Variants in RIN2 observed in about 807,000 individuals in gnomAD.
RIN2 encodes the protein RAB5 interacting protein 2.
Under a neutral mutation model 78.0 loss-of-function variants are expected in RIN2, and 36 were observed. The observed-to-expected ratio is 0.46, with a 90% CI of 0.35 to 0.61. RIN2 has a LOEUF of 0.61. Among genes scored for constraint, RIN2 ranks in the 20% least tolerant of loss-of-function variants. The pLI, the probability that RIN2 is intolerant of heterozygous loss-of-function variation, is 0.00. For missense variants in RIN2, 1,087 were observed against 1,159.7 expected, an observed-to-expected ratio of 0.94 and a Z score of 0.91; for synonymous variants, 466 against 466.8, an observed-to-expected ratio of 1.00 and a Z score of 0.02.
chr20:19,946,169 G>C (rs923591539), intron 4 of RIN2, among the ~76,000 whole-genome samples: 22 of 152,196 alleles, frequency 1.4e-4, no homozygotes, highest in African/African-American at 5.3e-4. Flanking sequence ...TATGGGCTGG[G>C]GATGAGGCCA....
Position 20,000,664 on chromosome 20 carries a change from A to C in RIN2, c.2416A>C (p.Thr806Pro). The change falls in exon 13 of 13, where the codon ACC (threonine) becomes CCC (proline). Residue 806 changes from threonine to proline, a missense_variant. This residue lies in a region of RIN2 where 160 missense variants were observed against 179.4 expected (regional missense o/e 0.89). Coordinates refer to ENST00000255006, the MANE Select transcript of RIN2 (RefSeq NM_018993.4). Reference sequence around the variant, plus strand: ...GGTCAACAGTGGTTGCACAGGAAAGACCCTCCTTGTGAGACCTTACATCAC... The same window carrying C: ...GGTCAACAGTGGTTGCACAGGAAAGCCCCTCCTTGTGAGACCTTACATCAC... ...QEVNSGCTGKTLLVRPYITTE... is the reference protein window; with the variant it reads ...QEVNSGCTGKPLLVRPYITTE... 1 of 1,611,442 alleles carries C rather than the reference A, an allele frequency of 6.2e-7. No homozygotes were observed. The highest frequency in any genetic ancestry group is 8.5e-7 in the Non-Finnish European group (1 of 1,177,896).
chr20:19,854,011 A>T (rs2037079471), intron 2 of RIN2, among the ~76,000 whole-genome samples: 1 of 152,198 alleles, frequency 6.6e-6, no homozygotes, highest in Non-Finnish European at 1.5e-5. Flanking sequence ...TGATGGTTTT[A>T]GGTCTAACCT....
chr20:19,833,777 G>A (rs2036322042), intron 2 of RIN2, among the ~76,000 whole-genome samples: 1 of 152,182 alleles, frequency 6.6e-6, no homozygotes, highest in African/African-American at 2.4e-5. Flanking sequence ...CCTATGAGAT[G>A]CAAGGCAGCC....
intron 1 of RIN2, among the ~76,000 whole-genome samples, chr20:19,767,457 G>A (rs2033933814): frequency 6.6e-6 from 1 of 152,196 alleles, no homozygotes; most frequent in Non-Finnish European, 1.5e-5. Context: ...AAGAGGTTAT[G>A]GGTCCTATGA....
chr20:19,943,196 G>A (rs2040949948), intron 4 of RIN2, among the ~76,000 whole-genome samples: 1 of 152,174 alleles, frequency 6.6e-6, no homozygotes, highest in African/African-American at 2.4e-5. Context: ...TATTTTTACA[G>A]GAACAAATGA....
intron 1 of RIN2, among the ~76,000 whole-genome samples, chr20:19,767,289 C>G (rs1055963013): frequency 1.3e-5 from 2 of 152,184 alleles, no homozygotes; most frequent in African/African-American, 2.4e-5. Flanking sequence ...AGCAGCATTC[C>G]TTTCTTCCAG....
chr20:19,915,309 T>C (rs2039639968), intron 3 of RIN2, among the ~76,000 whole-genome samples: 1 of 152,060 alleles, frequency 6.6e-6, no homozygotes, highest in South Asian at 2.1e-4. Flanking sequence ...TTGTTCCACA[T>C]AAGAGCGAGG....
intron 2 of RIN2, among the ~76,000 whole-genome samples, chr20:19,883,382 C>T (rs938529923): frequency 1.4e-5 from 2 of 147,982 alleles, no homozygotes; most frequent in Non-Finnish European, 3.0e-5. Flanking sequence ...CTCTGTTACC[C>T]AGGCTGGAGT....
At chr20:19,859,609 C>T (rs2037272513) in intron 2 of RIN2, among the ~76,000 whole-genome samples, 1 of 152,206 alleles carries the variant, frequency 6.6e-6, no homozygotes, top group Non-Finnish European at 1.5e-5. Flanking sequence ...AAGATCCCAT[C>T]TATTCCATGA....
chr20:19,990,777 T>C (rs554439058), intron 10 of RIN2, among the ~76,000 whole-genome samples: 1 of 152,304 alleles, frequency 6.6e-6, no homozygotes, highest in South Asian at 2.1e-4. Context: ...CGATTATCAT[T>C]ACAACATTTT....
At chr20:19,843,925 T>C (rs1160071247) in intron 2 of RIN2, among the ~76,000 whole-genome samples, 2 of 152,234 alleles carry the variant, frequency 1.3e-5, no homozygotes, top group African/African-American at 2.4e-5. Context: ...TATCCTTCTA[T>C]AAAACATGCA....
At chr20:19,936,525 G>A (rs997608320) in intron 4 of RIN2, among the ~76,000 whole-genome samples, 15 of 152,242 alleles carry the variant, frequency 9.9e-5, no homozygotes, top group African/African-American at 1.7e-4. Context: ...CAGGAAAGGC[G>A]GCTCTGTGAG....
chr20:19,934,637 CT>C, intron 3 of RIN2: 1 of 964,432 alleles, frequency 1.0e-6, no homozygotes, highest in Non-Finnish European at 1.2e-6. Flanking sequence ...CTGGATATAT[CT>C]TTTAAATAAA....
chr20:19,794,602 T>C (rs2034995818), intron 1 of RIN2, among the ~76,000 whole-genome samples: 1 of 151,316 alleles, frequency 6.6e-6, no homozygotes, highest in East Asian at 1.9e-4. Flanking sequence ...ATATGAACCT[T>C]CTAGATGATG....
In RIN2 at chr20:19,974,949, A is replaced by AC; in HGVS notation, c.927dup (p.Arg310GlnfsTer8). 7.4e-6 allele frequency: 5 copies of AC among 677,294 alleles called. No homozygotes were observed. Among genetic ancestry groups the AC allele is most frequent in the Non-Finnish European group, 1.0e-5 (5 of 486,958 alleles). The allele number at this position is 677,294 out of a possible 1,614,324, so 42.0% of individuals were successfully genotyped here. On this transcript the variant is annotated frameshift_variant, in exon 9 of 13. Transcript: ENST00000255006. LOFTEE classifies it high-confidence loss of function. ...GCACGGAGCGGACTCGGTCCCCCCC[A>AC]CCCAGGCCCCCGCCACCCGCTATTA... is the stretch of plus-strand genomic sequence containing the variant.
At chr20:19,880,172 AC>A (rs2037977494) in intron 2 of RIN2, among the ~76,000 whole-genome samples, 1 of 151,456 alleles carries the variant, frequency 6.6e-6, no homozygotes, top group Non-Finnish European at 1.5e-5. Context: ...CAATTGATGA[AC>A]CAGGAAGGTG....
chr20:19,975,144 T>C lies in RIN2; in HGVS notation c.1119T>C (p.Gly373=), dbSNP rs2146320711. Residue 373 remains glycine (G), a synonymous_variant, in exon 9 of 13, where the codon GGT becomes GGC. Transcript: ENST00000255006. The surrounding 1 kb of genome is among the most constrained non-coding windows in gnomAD (Gnocchi z 4.9). ...CTTCTTTTCTGGAAGCAGAGGGCGG[T>C]GCAAAGACCTTGAGCGGCGGCCGGC... ...KQASFLEAEG[G]AKTLSGGRPG... is the part of the protein sequence containing the mutation. 1 of 1,613,042 alleles carries C rather than the reference T, an allele frequency of 6.2e-7. No individual in the cohort carries two copies. Among genetic ancestry groups the C allele is most frequent in the African/African-American group, 1.3e-5 (1 of 75,038 alleles).
At chr20:19,888,098 A>C (rs1379535948) in intron 2 of RIN2, among the ~76,000 whole-genome samples, 1 of 152,220 alleles carries the variant, frequency 6.6e-6, no homozygotes, top group African/African-American at 2.4e-5. Context: ...GGTTTCTGGA[A>C]CATTGGCCTT....
chr20:19,929,810 GAAAC>G (rs1011114414), intron 3 of RIN2, among the ~76,000 whole-genome samples: 4 of 152,286 alleles, frequency 2.6e-5, no homozygotes, highest in East Asian at 1.9e-4. Flanking sequence ...GTGAGAATTA[GAAAC>G]AAACAAATAA....
Sources: allele counts gnomAD v4.1 joint callset (sites outside exome capture counted in the v4.1 genomes callset), GRCh38; gene constraint gnomAD v4.1.1; regional missense constraint gnomAD v4.1.1; non-coding constraint Gnocchi (gnomAD v3.1); transcripts MANE v1.5; gene names NCBI Gene and HGNC (gene_info 2026-07-23, HGNC 2026-07-21).